The following ANKRD30A variants were observed in gnomAD, a reference collection of about 807,000 sequenced individuals.
The protein encoded by ANKRD30A is ankyrin repeat domain-containing protein 30A.
A neutral mutation model predicts 166.3 loss-of-function variants in ANKRD30A; 170 were observed. That is an observed-to-expected ratio of 1.02 (90% CI 0.90 to 1.16). The LOEUF is 1.16. Ranked by LOEUF, ANKRD30A falls within the 50% of genes most tolerant of loss-of-function variation. The probability of loss-of-function intolerance (pLI) is 0.00; values close to 1 mark genes in which losing one functional copy is unlikely to be tolerated. For synonymous variants in ANKRD30A, 564 were observed against 508.9 expected (o/e 1.11, Z -1.46); for missense variants, 1,630 against 1,518.0 (o/e 1.07, Z -1.23).
chr10:37,132,172 A>C, intron 3 of ANKRD30A, 68 bp from the exon 4 acceptor site: 1 of 1,075,628 alleles, frequency 9.3e-7, no homozygotes, highest in East Asian at 2.5e-5. Context: ...AAGATATTAT[A>C]TAAGGTATTC....
chr10:37,263,304 C>T, the ANKRD30A span, among the ~76,000 whole-genome samples: 1 of 151,894 alleles, frequency 6.6e-6, no homozygotes, highest in Non-Finnish European at 1.5e-5. Context: ...TCATGGAAGA[C>T]AGTTATTCTA....
chr10:37,242,297 T>A, the ANKRD30A span, among the ~76,000 whole-genome samples: 1 of 152,224 alleles, frequency 6.6e-6, no homozygotes, highest in Non-Finnish European at 1.5e-5. Flanking sequence ...AAAATGCTCC[T>A]GTGATCTTAT....
chr10:37,152,152 T>G, intron 12 of ANKRD30A, 31 bp downstream of exon 12: 7 of 1,518,146 alleles, frequency 4.6e-6, no homozygotes, highest in Non-Finnish European at 6.4e-6. Context: ...TTTTTTAATA[T>G]TAGTATTGCA....
At chr10:37,240,164 A>G in the ANKRD30A span, among the ~76,000 whole-genome samples, 4 of 152,158 alleles carry the variant, frequency 2.6e-5, no homozygotes, top group Non-Finnish European at 4.4e-5. Flanking sequence ...ATATAAACAC[A>G]TACTCATAAT....
rs1214137400 is a variant in ANKRD30A at position 37,125,682 on chromosome 10, G to A, written c.-106G>A. 6.3e-6 allele frequency: 3 copies of A among 479,514 alleles called. No homozygotes were observed. The highest frequency in any genetic ancestry group is 2.6e-5 in the South Asian group (1 of 38,680). 29.7% of individuals were successfully genotyped at this position (479,514 alleles called of 1,614,324 possible). A position where few individuals can be genotyped will look rare whatever the true frequency, so the allele number is the denominator to read the frequency against. On this transcript the variant is annotated 5_prime_UTR_variant, in exon 1 of 36. Coordinates refer to ENST00000361713, the MANE Select transcript of ANKRD30A (RefSeq NM_052997.3). ...CAGAACTTTTTACGGGTATCGAGGCGGTGCGTGGACTGAAGAAGGGCGAGG... is the reference window on the plus strand; with the variant it reads ...CAGAACTTTTTACGGGTATCGAGGCAGTGCGTGGACTGAAGAAGGGCGAGG...
intron 15 of ANKRD30A, among the ~76,000 whole-genome samples, chr10:37,159,298 G>C (rs964545218): frequency 1.3e-4 from 20 of 152,190 alleles, no homozygotes; most frequent in Non-Finnish European, 2.2e-4. Context: ...GGGCAGATAA[G>C]TTAAGGTCAG....
At chr10:37,202,350 A>C (rs975067245) in intron 31 of ANKRD30A, among the ~76,000 whole-genome samples, 1 of 152,140 alleles carries the variant, frequency 6.6e-6, no homozygotes, top group Non-Finnish European at 1.5e-5. Flanking sequence ...AAACCACTTA[A>C]CTACATGGAA....
chr10:37,239,791 G>A, the ANKRD30A span, among the ~76,000 whole-genome samples: 6 of 152,064 alleles, frequency 3.9e-5, no homozygotes, highest in African/African-American at 1.2e-4. Flanking sequence ...GGTTATTTAT[G>A]TGATTGTGTT....
intron 13 of ANKRD30A, among the ~76,000 whole-genome samples, chr10:37,156,358 C>G (rs1162255731): frequency 6.6e-6 from 1 of 151,892 alleles, no homozygotes; most frequent in Non-Finnish European, 1.5e-5. Context: ...TCCAGTGTAC[C>G]CCTTTATAAA....
intron 24 of ANKRD30A, among the ~76,000 whole-genome samples, chr10:37,179,212 C>T (rs577830926): frequency 3.8e-4 from 57 of 150,908 alleles, no homozygotes; most frequent in African/African-American, 1.1e-3. Flanking sequence ...ACATGCTACA[C>T]GAAACCAGAC....
At chr10:37,193,116 T>C (rs1210987735) in intron 26 of ANKRD30A, 24 bp downstream of exon 26, 2 of 1,605,372 alleles carry the variant, frequency 1.2e-6, no homozygotes, top group African/African-American at 1.3e-5. Flanking sequence ...TATTTTTATC[T>C]TGAGTATTAA....
the ANKRD30A span, among the ~76,000 whole-genome samples, chr10:37,249,707 CTG>C: frequency 1.3e-5 from 2 of 152,036 alleles, no homozygotes; most frequent in Non-Finnish European, 2.9e-5. Context: ...GTGTGGAAAA[CTG>C]TGAGTAGATC....
intron 7 of ANKRD30A, 107 bp downstream of exon 7, chr10:37,142,397 G>A: frequency 1.9e-6 from 2 of 1,026,186 alleles, no homozygotes; most frequent in Non-Finnish European, 2.8e-6. Flanking sequence ...TCTAAATAAG[G>A]CGAGCTTAGG....
chr10:37,258,998 A>C, the ANKRD30A span, among the ~76,000 whole-genome samples: 2 of 151,320 alleles, frequency 1.3e-5, no homozygotes. Flanking sequence ...AGCTTCTATA[A>C]CATAAGAGAG....
chr10:37,252,846 T>C, the ANKRD30A span, among the ~76,000 whole-genome samples: 1 of 152,188 alleles, frequency 6.6e-6, no homozygotes, highest in Non-Finnish European at 1.5e-5. Context: ...ATATAAGTGC[T>C]TATATAAGAT....
downstream of ANKRD30A, among the ~76,000 whole-genome samples, chr10:37,233,411 C>T (rs976411540): frequency 1.3e-5 from 2 of 151,786 alleles, no homozygotes; most frequent in East Asian, 3.9e-4. Flanking sequence ...CTGTTTTTTT[C>T]CAGAATAATC....
intron 17 of ANKRD30A, among the ~76,000 whole-genome samples, chr10:37,164,724 T>C (rs902939658): frequency 5.3e-5 from 8 of 152,098 alleles, no homozygotes; most frequent in African/African-American, 4.8e-5. Flanking sequence ...TAAGTAATAC[T>C]ACCAAGTAAA....
chr10:37,200,947 G>C (rs1305229594), intron 30 of ANKRD30A, among the ~76,000 whole-genome samples: 1 of 151,998 alleles, frequency 6.6e-6, no homozygotes, highest in Non-Finnish European at 1.5e-5. Flanking sequence ...ATTTTTAAGA[G>C]AGATACGTTT....
At chr10:37,228,548 T>C (rs1843265087) in intron 34 of ANKRD30A, among the ~76,000 whole-genome samples, 1 of 152,050 alleles carries the variant, frequency 6.6e-6, no homozygotes, top group South Asian at 2.1e-4. Context: ...TGATTTTGAT[T>C]GTTAAACCAA....
Sources: gnomAD v4.1 joint callset for allele counts (sites outside exome capture counted in the v4.1 genomes callset) on GRCh38, gnomAD v4.1.1 for gene constraint, MANE v1.5 for transcripts, NCBI Gene and HGNC (gene_info 2026-07-23, HGNC 2026-07-21) for gene names.